Variants in DACH1 observed in about 807,000 individuals in gnomAD.
DACH1 encodes dachshund family transcription factor 1.
Under a neutral mutation model 54.2 loss-of-function variants are expected in DACH1, and 12 were observed. The ratio of observed to expected loss-of-function variants is 0.22; its 90% CI spans 0.14 to 0.36. The LOEUF (loss-of-function observed/expected upper bound fraction) is 0.36, where lower values mean the gene tolerates loss of function less well. DACH1 is among the 10% of genes least tolerant of loss of function. The pLI is 1.00. For missense variants in DACH1, 805 were observed against 929.8 expected, an observed-to-expected ratio of 0.87 and a Z score of 1.75; for synonymous variants, 386 against 366.2, an observed-to-expected ratio of 1.05 and a Z score of -0.62.
In DACH1 at chr13:71,438,586, T is replaced by A. The variant is rs192854796; in HGVS notation, c.*2069A>T. ...TCTTCAAATATGTATTTTAAAACTA[T>A]TTAATCCACATAACAAACAGGTGAC... On this transcript the variant is annotated 3_prime_UTR_variant, in exon 11 of 11. Coordinates refer to ENST00000613252, the MANE Select transcript of DACH1 (RefSeq NM_080759.6). The A allele has an allele frequency of 1.5e-4, 5 of 33,216 alleles. No homozygotes were observed. In the Admixed American group the frequency reaches 2.1e-3, roughly 14 times the overall value. The allele number at this position is 33,216 out of a possible 1,614,324, so 2.1% of individuals were successfully genotyped here.
At chr13:71,847,725 C>T (rs756497705) in intron 1 of DACH1, among the ~76,000 whole-genome samples, 1 of 152,058 alleles carries the variant, frequency 6.6e-6, no homozygotes, top group Non-Finnish European at 1.5e-5. Context: ...TGGAGAAAAT[C>T]AATTAGATCT....
At chr13:71,693,469 ATTTTTTT>A (rs748598587) in intron 1 of DACH1, among the ~76,000 whole-genome samples, 2,312 of 119,272 alleles carry the variant, frequency 0.019, 28 homozygotes, top group Non-Finnish European at 0.025. Context: ...CGCCCGGCAA[ATTTTTTT>A]TTTTTTTTTT....
At chr13:71,470,068 T>G (rs573407279) in intron 10 of DACH1, among the ~76,000 whole-genome samples, 1 of 152,328 alleles carries the variant, frequency 6.6e-6, no homozygotes, top group South Asian at 2.1e-4. Context: ...TTTAAAAAAC[T>G]TGTTTTTACT....
chr13:71,453,987 T>G (rs1875315049), intron 10 of DACH1, among the ~76,000 whole-genome samples: 1 of 152,174 alleles, frequency 6.6e-6, no homozygotes, highest in Non-Finnish European at 1.5e-5. Flanking sequence ...GGTGGCCCTC[T>G]GTGCACTAAA....
intron 3 of DACH1, among the ~76,000 whole-genome samples, chr13:71,614,371 T>C (rs1875594153): frequency 6.6e-6 from 1 of 152,122 alleles, no homozygotes; most frequent in African/African-American, 2.4e-5. Context: ...GATGTAGGAA[T>C]GGATAACACA....
chr13:71,732,708 T>C (rs1388575461), intron 1 of DACH1, among the ~76,000 whole-genome samples: 3 of 152,240 alleles, frequency 2.0e-5, no homozygotes, highest in Non-Finnish European at 2.9e-5. Flanking sequence ...ATTGGAATGC[T>C]GCCACAACCT....
intron 10 of DACH1, among the ~76,000 whole-genome samples, chr13:71,449,655 A>T (rs1311428141): frequency 2.0e-5 from 3 of 152,178 alleles, no homozygotes; most frequent in Admixed American, 2.0e-4. Flanking sequence ...ACAAACATGC[A>T]TGTTCTGCAC....
chr13:71,629,097 TTTTAC>T (rs1181418443), intron 3 of DACH1, among the ~76,000 whole-genome samples: 4 of 152,262 alleles, frequency 2.6e-5, no homozygotes, highest in African/African-American at 9.6e-5. Context: ...AATAAAAGGC[TTTTAC>T]TTTAAAGTAA....
chr13:71,702,796 C>CTAG (rs1350238538), intron 1 of DACH1, among the ~76,000 whole-genome samples: 1 of 152,002 alleles, frequency 6.6e-6, no homozygotes, highest in Admixed American at 6.6e-5. Context: ...AAATAGATCT[C>CTAG]TTCTAAAGTC....
In DACH1 at chr13:71,866,825, A is replaced by AC. The variant is rs1320138190; in HGVS notation, c.-57dup. The stretch of plus-strand genomic sequence containing the variant: ...GAAGCGAGAGGAAAAGTTGCCACAC[A>AC]CCCCCGGGAGGGGAAGGGGAAAAAA... On this transcript the variant is annotated 5_prime_UTR_variant, in exon 1 of 11. Coordinates refer to ENST00000613252, the MANE Select transcript of DACH1 (RefSeq NM_080759.6). 2.7e-6 allele frequency: 3 copies of AC among 1,107,418 alleles called. No individual in the cohort carries two copies. Among genetic ancestry groups the AC allele is most frequent in the African/African-American group, 3.5e-5 (2 of 56,974 alleles). The allele number at this position is 1,107,418 out of a possible 1,614,324, so 68.6% of individuals were successfully genotyped here.
intron 2 of DACH1, among the ~76,000 whole-genome samples, chr13:71,678,996 A>G (rs1382752714): frequency 2.0e-5 from 3 of 152,094 alleles, no homozygotes; most frequent in Non-Finnish European, 1.5e-5. Context: ...GCTCCTAATG[A>G]GCCTCCATTT....
chr13:71,592,494 C>CAAAAAAAAAAAAAAAAAAAAAAAAA (rs575364116), intron 3 of DACH1, among the ~76,000 whole-genome samples: 66 of 32,616 alleles, frequency 2.0e-3, no homozygotes, highest in East Asian at 4.0e-3. Context: ...GACTCTATCT[C>CAAAAAAAAAAAAAAAAAAAAAAAAA]AAAAAAAAAA....
chr13:71,536,694 C>T (rs922455144), intron 6 of DACH1, among the ~76,000 whole-genome samples: 2 of 152,058 alleles, frequency 1.3e-5, no homozygotes, highest in African/African-American at 4.8e-5. Context: ...GGGCACTAAG[C>T]TGAATGGTGG....
intron 1 of DACH1, among the ~76,000 whole-genome samples, chr13:71,731,841 A>C (rs566952386): frequency 6.6e-6 from 1 of 152,304 alleles, no homozygotes; most frequent in African/African-American, 2.4e-5. Context: ...TATTTTAAGG[A>C]TCCAATGGAA....
Position 71,634,209 on chromosome 13 carries a change from G to A in DACH1, c.965-3492C>T, listed in dbSNP as rs549027378. On this transcript the variant is annotated intron_variant, in intron 2 of 10. Coordinates refer to ENST00000613252, the MANE Select transcript of DACH1 (RefSeq NM_080759.6). ...GCTGGTCTCGAATTCCTAACCTCAA[G>A]TGATCCACCTGCCTTGGCTTCCTGA... is the stretch of plus-strand genomic sequence containing the variant. Among the ~76,000 whole-genome samples the A allele has an allele frequency of 2.6e-5, 4 of 152,196 alleles. No individual in the cohort carries two copies. In the East Asian group the frequency reaches 7.8e-4, roughly 30 times the overall value.
At chr13:71,681,665 G>T (rs2138701753) in intron 2 of DACH1, 130 bp downstream of exon 2, 1 of 511,048 alleles carries the variant, frequency 2.0e-6, no homozygotes, top group Non-Finnish European at 3.4e-6. Context: ...AATTATCTCA[G>T]TAACATTATC....
intron 1 of DACH1, among the ~76,000 whole-genome samples, chr13:71,848,172 T>C (rs1050222039): frequency 2.6e-5 from 4 of 151,794 alleles, no homozygotes; most frequent in Admixed American, 1.3e-4. Flanking sequence ...TTCATAGAGT[T>C]GCATGACAGT....
rs1463868661 is a variant in DACH1, at chr13:71,779,239, ATATATACG to A, written c.848+86675_848+86682del. Among the ~76,000 whole-genome samples the A allele has an allele frequency of 9.6e-5, 9 of 94,042 alleles. 1 individual carries two copies. The South Asian group carries it at 3.1e-3, about 33-fold the overall frequency. The allele number at this position is 94,042 out of a possible 152,430, so 61.7% of individuals were successfully genotyped here. ...TATACGTATATACGTATATATACAC[ATATATACG>A]TATATACGTATATATGTGTATATAT... On this transcript the variant is annotated intron_variant, in intron 1 of 10. Coordinates refer to ENST00000613252, the MANE Select transcript of DACH1 (RefSeq NM_080759.6).
At chr13:71,792,821 T>C (rs1409348382) in intron 1 of DACH1, among the ~76,000 whole-genome samples, 1 of 152,162 alleles carries the variant, frequency 6.6e-6, no homozygotes, top group Non-Finnish European at 1.5e-5. Flanking sequence ...GGAGGAAATA[T>C]TAGTAATTGG....
Sources: gnomAD v4.1 joint callset for allele counts (sites outside exome capture counted in the v4.1 genomes callset) on GRCh38, gnomAD v4.1.1 for gene constraint, MANE v1.5 for transcripts, NCBI Gene and HGNC (gene_info 2026-07-23, HGNC 2026-07-21) for gene names.